ODF2: variants seen among roughly 807,000 people sequenced by gnomAD.
ODF2 encodes the protein outer dense fiber protein 2.
Under a neutral mutation model 110.2 loss-of-function variants are expected in ODF2, and 47 were observed. The ratio of observed to expected loss-of-function variants is 0.43; its 90% CI spans 0.34 to 0.54. ODF2 has a LOEUF of 0.54. Among genes scored for constraint, ODF2 ranks in the 20% least tolerant of loss-of-function variants. ODF2 has a pLI of 0.03. For missense variants in ODF2, 812 were observed against 1,054.5 expected (o/e 0.77, Z 3.19); for synonymous variants, 352 against 397.7 (o/e 0.89, Z 1.37).
At position 128,495,961 on chromosome 9, in the gene ODF2, T is replaced by G. The variant is rs1845495552; in HGVS notation, c.1912-80T>G. 4.5e-6 allele frequency: 7 copies of G among 1,541,524 alleles called. No individual in the cohort carries two copies. The Admixed American group carries it at 1.2e-4, about 26-fold the overall frequency. On this transcript the variant is annotated intron_variant, in intron 17 of 20. Transcript: ENST00000604420. ...GGGCACTGTGCCCCTTTCCTGGGTG[T>G]GGACAACAGGTCATAGGGAAAGGGG...
chr9:128,483,122 T>TTGACCTCG (rs1432782647), intron 10 of ODF2, among the ~76,000 whole-genome samples: 11 of 152,066 alleles, frequency 7.2e-5, no homozygotes, highest in Non-Finnish European at 1.3e-4. Flanking sequence ...TCTTGATCTC[T>TTGACCTCG]TGACCTCGTG....
chr9:128,484,943 C>T lies in ODF2; in HGVS notation c.1290+57C>T, dbSNP rs1417650813. The T allele has an allele frequency of 6.5e-6, 10 of 1,548,126 alleles. No individual in the cohort carries two copies. In the Admixed American group the frequency reaches 1.1e-4, roughly 17 times the overall value. On this transcript the variant is annotated intron_variant, in intron 12 of 20. Transcript: ENST00000604420. Reference sequence around the variant, plus strand: ...TGCCCTGAGGAGGGCTGGGTGATGGCAGAGGGGTGGTCAGCCAGATGGGTA... The same window carrying T: ...TGCCCTGAGGAGGGCTGGGTGATGGTAGAGGGGTGGTCAGCCAGATGGGTA...
At chr9:128,455,279 C>G, upstream of ODF2, 2 of 1,514,818 alleles carry the variant, frequency 1.3e-6, no homozygotes, top group South Asian at 2.4e-5. Context: ...AGACCGGGCG[C>G]GGAGGCTCAA....
At chr9:128,498,497 G>A in exon 19 of ODF2, 1 of 1,613,698 alleles carries the variant, frequency 6.2e-7, no homozygotes, top group South Asian at 1.1e-5. Context: ...AGTCCCAGCT[G>A]CGGCTGGAGG....
chr9:128,468,140 T>C (rs1838781002), intron 4 of ODF2, among the ~76,000 whole-genome samples: 1 of 152,202 alleles, frequency 6.6e-6, no homozygotes, highest in Non-Finnish European at 1.5e-5. Flanking sequence ...CTTAATATCA[T>C]ACAATATCTG....
chr9:128,463,030 A>T (rs373434535), intron 4 of ODF2, among the ~76,000 whole-genome samples: 6 of 152,296 alleles, frequency 3.9e-5, no homozygotes, highest in African/African-American at 1.2e-4. Flanking sequence ...TAGGAGGCCC[A>T]GGAGGGAGGA....
intron 9 of ODF2, 117 bp from the exon 10 acceptor site, chr9:128,482,699 G>C: frequency 1.6e-6 from 1 of 622,798 alleles, no homozygotes; most frequent in Non-Finnish European, 2.8e-6. Context: ...TCTGACATGG[G>C]CCAATGTATG....
intron 14 of ODF2, 59 bp downstream of exon 14, chr9:128,488,084 G>A: frequency 6.2e-7 from 1 of 1,602,390 alleles, no homozygotes; most frequent in Non-Finnish European, 8.5e-7. Context: ...CTGATGAGGG[G>A]TCTTGTCTTA....
At chr9:128,487,825 AC>A in intron 13 of ODF2, 64 bp from the exon 14 acceptor site, 2 of 1,575,292 alleles carry the variant, frequency 1.3e-6, no homozygotes, top group East Asian at 2.3e-5. Context: ...ACACACACAC[AC>A]ACACACACAA....
intron 14 of ODF2, among the ~76,000 whole-genome samples, chr9:128,490,658 C>T (rs1844361985): frequency 6.6e-6 from 1 of 152,140 alleles, no homozygotes; most frequent in South Asian, 2.1e-4. Context: ...GTGATGTAGA[C>T]ATGAAGATCT....
At chr9:128,463,741 G>A (rs1257349800) in intron 4 of ODF2, among the ~76,000 whole-genome samples, 1 of 152,210 alleles carries the variant, frequency 6.6e-6, no homozygotes, top group African/African-American at 2.4e-5. Context: ...ACGTTTTCTG[G>A]GAGAATATGT....
chr9:128,488,449 C>G (rs531628871), intron 14 of ODF2, among the ~76,000 whole-genome samples: 1 of 152,036 alleles, frequency 6.6e-6, no homozygotes, highest in Non-Finnish European at 1.5e-5. Flanking sequence ...AGCCTGGATT[C>G]AAGTCCTTAC....
At chr9:128,495,255 T>C (rs1164540372) in intron 17 of ODF2, among the ~76,000 whole-genome samples, 1 of 152,262 alleles carries the variant, frequency 6.6e-6, no homozygotes, top group African/African-American at 2.4e-5. Flanking sequence ...GAAAAGGGGC[T>C]ACCATTTTTT....
chr9:128,457,420 C>G (rs778828619), exon 2 of ODF2: 1 of 1,612,552 alleles, frequency 6.2e-7, no homozygotes, highest in East Asian at 2.2e-5. Flanking sequence ...CTGCCTCATC[C>G]TCAGGCGGCT....
chr9:128,496,316 A>G (rs1845550694), intron 18 of ODF2, 175 bp downstream of exon 18: 1 of 1,477,730 alleles, frequency 6.8e-7, no homozygotes, highest in Non-Finnish European at 9.0e-7. Context: ...TGTGGGAGAG[A>G]GCAAGGGGGC....
At chr9:128,480,977 T>C (rs1303053253) in intron 8 of ODF2, among the ~76,000 whole-genome samples, 1 of 152,140 alleles carries the variant, frequency 6.6e-6, no homozygotes, top group Non-Finnish European at 1.5e-5. Context: ...AGTATTTCAA[T>C]ACAGTATTCT....
At chr9:128,487,666 A>G (rs1486252761) in intron 13 of ODF2, among the ~76,000 whole-genome samples, 1 of 152,014 alleles carries the variant, frequency 6.6e-6, no homozygotes, top group Admixed American at 6.6e-5. Flanking sequence ...GGGCGCCTGT[A>G]GTCCCAGCTA....
chr9:128,492,243 C>G (rs1005249375), intron 14 of ODF2, among the ~76,000 whole-genome samples, 183 bp from the exon 15 acceptor site: 3 of 151,984 alleles, frequency 2.0e-5, no homozygotes, highest in Non-Finnish European at 4.4e-5. Context: ...ATTTGCATCT[C>G]TATTCACTTG....
upstream of ODF2, chr9:128,456,049 AT>A (rs777443099): frequency 3.5e-5 from 52 of 1,496,174 alleles, no homozygotes; most frequent in Admixed American, 1.7e-4. Flanking sequence ...CTGGGCCTCG[AT>A]GGCGAAACCC....
Sources: gnomAD v4.1 joint callset for allele counts (sites outside exome capture counted in the v4.1 genomes callset) on GRCh38, gnomAD v4.1.1 for gene constraint, MANE v1.5 for transcripts, NCBI Gene and HGNC (gene_info 2026-07-23, HGNC 2026-07-21) for gene names.